Variants in RGS3 observed in about 807,000 individuals in gnomAD.
The protein encoded by RGS3 is regulator of G-protein signalling 3.
Under a neutral mutation model 132.6 loss-of-function variants are expected in RGS3, and 80 were observed. The ratio of observed to expected loss-of-function variants is 0.60; its 90% confidence interval spans 0.50 to 0.73. RGS3 has a LOEUF of 0.73. RGS3 is among the 30% of genes least tolerant of loss of function. The probability of loss-of-function intolerance (pLI) is 0.00; values close to 1 mark genes in which losing one functional copy is unlikely to be tolerated. For missense variants in RGS3, 1,382 were observed against 1,530.8 expected (o/e 0.90, Z 1.62); for synonymous variants, 598 against 620.6 (o/e 0.96, Z 0.54).
Position 113,463,092 on chromosome 9 carries a change from G to C in RGS3, c.415+891G>C, listed in dbSNP as rs1395599577. ...TGTGCGTTCCTCTTTCTCAGAGGCT[G>C]TGGGCCTGTCCTGCTGTCCGATGGC... On this transcript the variant is annotated intron_variant, in intron 3 of 24. Transcript: ENST00000350696. The surrounding 1 kb of genome is among the most constrained non-coding windows in gnomAD (Gnocchi z 4.6). Among the ~76,000 whole-genome samples the C allele has an allele frequency of 6.6e-6, 1 of 152,214 alleles. No homozygotes were observed. The highest frequency in any genetic ancestry group is 1.9e-4 in the East Asian group (1 of 5,192).
intron 19 of RGS3, among the ~76,000 whole-genome samples, chr9:113,572,444 G>A (rs1052916682): frequency 3.3e-5 from 5 of 152,050 alleles, no homozygotes; most frequent in African/African-American, 7.2e-5. Flanking sequence ...GGTGACCTTC[G>A]GCCACAGGGT....
At chr9:113,546,352 C>T (rs989178093) in intron 19 of RGS3, among the ~76,000 whole-genome samples, 1 of 152,130 alleles carries the variant, frequency 6.6e-6, no homozygotes, top group Admixed American at 6.5e-5. Context: ...AGTACTTTTT[C>T]CCCCTTAGCA....
intron 18 of RGS3, chr9:113,536,567 C>T: frequency 7.4e-7 from 1 of 1,342,466 alleles, no homozygotes; most frequent in South Asian, 1.5e-5. Context: ...TCCTCCCCTC[C>T]CCCAACCTGT....
chr9:113,541,704 A>G (rs1483706071), intron 19 of RGS3: 3 of 1,071,404 alleles, frequency 2.8e-6, no homozygotes, highest in East Asian at 1.4e-4. Context: ...GAGGAGGAGG[A>G]CATTCCACAT....
At position 113,506,411 on chromosome 9, in the gene RGS3, C is replaced by G. The variant is rs1285030967; in HGVS notation, c.1003C>G (p.Leu335Val). ...AGGGGGTCCGGCGGAACGGGCAGGG[C>G]TGCAGCAGCTGGACACGGTGCTGCA... Residue 335 changes from leucine (L) to valine (V), a missense_variant, in exon 12 of 25, where the codon CTG becomes GTG. Transcript: ENST00000350696. The surrounding 1 kb of genome is among the most constrained non-coding windows in gnomAD (Gnocchi z 4.7). The G allele has an allele frequency of 6.3e-7, 1 of 1,593,422 alleles. No homozygotes were observed. Among genetic ancestry groups the G allele is most frequent in the South Asian group, 1.1e-5 (1 of 87,000 alleles).
chr9:113,592,415 G>T (rs1835485191), intron 21 of RGS3: 1 of 152,018 alleles, frequency 6.6e-6, no homozygotes. Flanking sequence ...GGCGCAGAGG[G>T]CAGGCATCCC....
chr9:113,459,077 A>G (rs1829416825), upstream of RGS3, among the ~76,000 whole-genome samples: 1 of 152,022 alleles, frequency 6.6e-6, no homozygotes, highest in South Asian at 2.1e-4. Context: ...TATTTAATTA[A>G]CTTCTATTCT....
chr9:113,451,600 C>T (rs569690748), intron 1 of RGS3, among the ~76,000 whole-genome samples: 92 of 152,194 alleles, frequency 6.0e-4, no homozygotes, highest in Middle Eastern at 6.8e-3. Context: ...TTGCTAATAG[C>T]TTCCCTTGAG....
intron 19 of RGS3, among the ~76,000 whole-genome samples, chr9:113,544,573 A>G (rs1833032476): frequency 6.6e-6 from 1 of 152,242 alleles, no homozygotes; most frequent in Non-Finnish European, 1.5e-5. Context: ...GTGAAAATGC[A>G]GGCAATTTTG....
chr9:113,536,913 A>G lies in RGS3; in HGVS notation c.2032A>G (p.Ser678Gly), dbSNP rs1005440571. 6.2e-7 allele frequency: 1 copy of G among 1,613,934 alleles called. No homozygotes were observed. Among genetic ancestry groups the G allele is most frequent in the Admixed American group, 1.7e-5 (1 of 60,030 alleles). ...ACAGCTGGCAGCATCACCCCCGGAC[A>G]GCAAGGTAAGGGCCTTGACAGTGGC... The change falls in exon 19 of 25, where the codon AGC becomes GGC. Residue 678 changes from serine to glycine, a missense_variant. Transcript: ENST00000350696.
intron 19 of RGS3, among the ~76,000 whole-genome samples, chr9:113,574,685 G>T (rs1834431940): frequency 6.6e-6 from 1 of 152,218 alleles, no homozygotes; most frequent in African/African-American, 2.4e-5. Context: ...TTGAACCAGT[G>T]CTCACAGGGA....
rs139898962 is a variant in RGS3 at position 113,539,876 on chromosome 9, A to G, written c.2037+2958A>G. ...GGGAGTCAGGGGAAGATGGACTTAA[A>G]GAACAGTTGGGAGGTCACTCCCTTG... On this transcript the variant is annotated intron_variant, in intron 19 of 24. Transcript: ENST00000350696. Among the ~76,000 whole-genome samples, 22 of 152,330 alleles carry G rather than the reference A, an allele frequency of 1.4e-4. No individual in the cohort carries two copies. The East Asian group carries it at 4.2e-3, about 29-fold the overall frequency.
chr9:113,565,048 AGG>A lies in RGS3; in HGVS notation c.2038-18400_2038-18399del. ...GGATGTGTGTGGGGTGGAGCCTGCT[AGG>A]GATCCCAGTGCCAGGGGGTGCCGTT... On this transcript the variant is annotated intron_variant, in intron 19 of 24. Transcript: ENST00000350696. The surrounding 1 kb of genome is among the most constrained non-coding windows in gnomAD (Gnocchi z 5.7). 3 of 1,128,126 alleles carry A rather than the reference AGG, an allele frequency of 2.7e-6. No homozygotes were observed. Among genetic ancestry groups the A allele is most frequent in the Non-Finnish European group, 3.3e-6 (3 of 909,752 alleles). 69.9% of individuals were successfully genotyped at this position (1,128,126 alleles called of 1,614,324 possible). A position where few individuals can be genotyped will look rare whatever the true frequency, so the allele number is the denominator to read the frequency against.
chr9:113,463,642 C>T lies in RGS3; in HGVS notation c.415+1441C>T. The T allele has an allele frequency of 7.4e-7, 1 of 1,344,368 alleles. No homozygotes were observed. The allele number at this position is 1,344,368 out of a possible 1,614,324, so 83.3% of individuals were successfully genotyped here. A position where few individuals can be genotyped will look rare whatever the true frequency, so the allele number is the denominator to read the frequency against. On this transcript the variant is annotated intron_variant, in intron 3 of 24. Transcript: ENST00000350696. The surrounding 1 kb of genome is among the most constrained non-coding windows in gnomAD (Gnocchi z 4.6). The stretch of plus-strand genomic sequence containing the variant: ...AGGTGGAACTCTCCCCATTCAAACC[C>T]GCGCGGGCCAATCAGGGCCGGGCGC...
chr9:113,584,225 G>C, exon 20 of RGS3: 4 of 1,611,808 alleles, frequency 2.5e-6, no homozygotes, highest in South Asian at 1.1e-5. Context: ...AACTCGCTGC[G>C]GCGCCGGACG....
At chr9:113,594,872 C>T (rs1409851510) in intron 22 of RGS3, 47 bp from the exon 21 acceptor site, 2 of 1,583,942 alleles carry the variant, frequency 1.3e-6, no homozygotes, top group South Asian at 1.1e-5. Context: ...CCCCAAGGTT[C>T]CCAAGCCTCT....
In RGS3 at chr9:113,525,398, C is replaced by T. The variant is rs114219914; in HGVS notation, c.1870+2357C>T. Reference sequence around the variant, plus strand: ...CTTCTCCTGCAGTCTAAATTGGAGCCGCAGGACCCAGTGTTCTGAGTCCTG... The same window carrying T: ...CTTCTCCTGCAGTCTAAATTGGAGCTGCAGGACCCAGTGTTCTGAGTCCTG... On this transcript the variant is annotated intron_variant, in intron 17 of 24. Coordinates refer to ENST00000350696, the Ensembl canonical transcript of RGS3. Among the ~76,000 whole-genome samples the T allele has an allele frequency of 9.3e-3, 1,422 of 152,206 alleles. 19 individuals carry two copies. Among genetic ancestry groups the T allele is most frequent in the African/African-American group, 0.032 (1,317 of 41,538 alleles).
chr9:113,486,803 G>A (rs1034249375), intron 7 of RGS3, among the ~76,000 whole-genome samples: 1 of 152,216 alleles, frequency 6.6e-6, no homozygotes, highest in African/African-American at 2.4e-5. Flanking sequence ...AAATCGGGGT[G>A]TATTTAACAT....
chr9:113,556,046 T>G (rs559610306), intron 19 of RGS3, among the ~76,000 whole-genome samples: 1 of 152,318 alleles, frequency 6.6e-6, no homozygotes, highest in South Asian at 2.1e-4. Context: ...GAGTCATAGT[T>G]TGCTTGAGTA....
Sources: gnomAD v4.1 joint callset for allele counts (sites outside exome capture counted in the v4.1 genomes callset) on GRCh38, gnomAD v4.1.1 for gene constraint, Gnocchi (gnomAD v3.1) non-coding constraint, MANE v1.5 for transcripts, NCBI Gene and HGNC (gene_info 2026-07-23, HGNC 2026-07-21) for gene names.